BLTP1: variants seen among roughly 807,000 people sequenced by gnomAD.
BLTP1 encodes fragile site-associated protein.
chr4:122,255,423 G>T, the BLTP1 span: 1 of 593,592 alleles, frequency 1.7e-6, no homozygotes. Context: ...TTGGGAGGCT[G>T]AGGCGGTTGG....
the BLTP1 span, among the ~76,000 whole-genome samples, chr4:122,195,198 T>C: frequency 6.6e-6 from 1 of 152,240 alleles, no homozygotes; most frequent in Admixed American, 6.5e-5. Flanking sequence ...TGAAATAGCA[T>C]GGTTTTAGCC....
chr4:122,255,050 GTTC>G, the BLTP1 span: 8 of 1,503,538 alleles, frequency 5.3e-6, no homozygotes, highest in Non-Finnish European at 7.2e-6. Context: ...AGATTTACAA[GTTC>G]TTAATTACTG....
the BLTP1 span, among the ~76,000 whole-genome samples, chr4:122,361,281 C>T: frequency 3.9e-5 from 6 of 152,042 alleles, no homozygotes; most frequent in Non-Finnish European, 7.4e-5. Context: ...CTACAAAGTT[C>T]GGGTTTGGTC....
At chr4:122,219,032 T>C in the BLTP1 span, 2 of 417,740 alleles carry the variant, frequency 4.8e-6, no homozygotes, top group Admixed American at 6.4e-5. Context: ...TGTTTAACCA[T>C]GCAAACCTTC....
At chr4:122,152,395 C>T in the BLTP1 span, 31 of 985,316 alleles carry the variant, frequency 3.1e-5, no homozygotes, top group African/African-American at 4.9e-4. Flanking sequence ...GTGTCGGTGG[C>T]TGCGGCCAGG....
the BLTP1 span, among the ~76,000 whole-genome samples, chr4:122,272,772 TCTAATA>T: frequency 2.0e-5 from 3 of 152,050 alleles, no homozygotes; most frequent in East Asian, 5.8e-4. Context: ...AATCTTATAA[TCTAATA>T]CTAAGTATCT....
chr4:122,305,165 A>G, the BLTP1 span: 68 of 979,446 alleles, frequency 6.9e-5, 2 homozygotes, highest in Non-Finnish European at 8.5e-6. Flanking sequence ...TTGTAGCCGC[A>G]TATTGTTATA....
At chr4:122,337,109 A>C in the BLTP1 span, 1 of 1,233,248 alleles carries the variant, frequency 8.1e-7, no homozygotes. Flanking sequence ...ACTGTTTAAA[A>C]GTTTTCTTAA....
chr4:122,186,222 G>A, the BLTP1 span: 1 of 1,605,880 alleles, frequency 6.2e-7, no homozygotes, highest in Non-Finnish European at 8.5e-7. Context: ...AAAATTGAAA[G>A]GTTCAGTATC....
the BLTP1 span, chr4:122,220,467 T>C: frequency 1.2e-6 from 2 of 1,608,876 alleles, no homozygotes; most frequent in African/African-American, 2.7e-5. Context: ...GTGATAACTA[T>C]CAGGTAAGGT....
At chr4:122,194,435 T>C in the BLTP1 span, 5 of 514,360 alleles carry the variant, frequency 9.7e-6, no homozygotes, top group South Asian at 3.4e-4. Flanking sequence ...CATTATTGGA[T>C]TTAAATTTTC....
chr4:122,350,100 A>G, the BLTP1 span: 21 of 1,602,220 alleles, frequency 1.3e-5, no homozygotes, highest in East Asian at 6.7e-5. Context: ...AAGCTTTTAT[A>G]TATGCTTTAT....
the BLTP1 span, chr4:122,173,213 A>AT: frequency 6.4e-7 from 1 of 1,556,854 alleles, no homozygotes; most frequent in East Asian, 2.3e-5. Flanking sequence ...TTGTCTTACC[A>AT]TTTTTTGTTG....
the BLTP1 span, among the ~76,000 whole-genome samples, chr4:122,233,426 G>C: frequency 6.6e-6 from 1 of 152,188 alleles, no homozygotes; most frequent in East Asian, 1.9e-4. Context: ...GGCATAGCTA[G>C]AATTTGAACT....
the BLTP1 span, chr4:122,344,801 G>GT: frequency 1.0e-6 from 1 of 984,832 alleles, no homozygotes; most frequent in Non-Finnish European, 1.2e-6. Flanking sequence ...AATTAAATCA[G>GT]TAAAAGTTGC....
the BLTP1 span, among the ~76,000 whole-genome samples, chr4:122,337,941 G>T: frequency 6.6e-6 from 1 of 151,126 alleles, no homozygotes; most frequent in Non-Finnish European, 1.5e-5. Context: ...TATCAAGGAG[G>T]ATTTAAAACT....
chr4:122,291,153 T>C, the BLTP1 span, among the ~76,000 whole-genome samples: 1 of 152,194 alleles, frequency 6.6e-6, no homozygotes, highest in Non-Finnish European at 1.5e-5. Context: ...GAAGACTTGC[T>C]GTTTACTGTG....
chr4:122,257,337 C>T, the BLTP1 span: 1 of 1,614,082 alleles, frequency 6.2e-7, no homozygotes, highest in Non-Finnish European at 8.5e-7. Flanking sequence ...ATTGTGGTGA[C>T]ACCAGCCTTT....
chr4:122,236,893 C>T, the BLTP1 span: 2 of 984,298 alleles, frequency 2.0e-6, no homozygotes, highest in Non-Finnish European at 2.4e-6. Context: ...ACATACGTAC[C>T]TGAGTTTCTG....
Sources: gnomAD v4.1 joint callset for allele counts (sites outside exome capture counted in the v4.1 genomes callset) on GRCh38, gnomAD v4.1.1 for gene constraint, MANE v1.5 for transcripts, NCBI Gene and HGNC (gene_info 2026-07-23, HGNC 2026-07-21) for gene names.